The following RANBP3 variants were observed in gnomAD, a reference collection of about 807,000 sequenced individuals.
The protein encoded by RANBP3 is ran-binding protein 3.
A neutral mutation model predicts 77.3 loss-of-function variants in RANBP3; 14 were observed. The ratio of observed to expected loss-of-function variants is 0.18; its 90% CI spans 0.12 to 0.28. The LOEUF (loss-of-function observed/expected upper bound fraction) is 0.28, where lower values mean the gene tolerates loss of function less well. RANBP3 is among the 10% of genes least tolerant of loss of function. RANBP3 has a pLI of 1.00. For synonymous variants in RANBP3, 315 were observed against 312.4 expected (o/e 1.01, Z -0.09); for missense variants, 586 against 752.3 (o/e 0.78, Z 2.59).
rs769648811 is a variant in RANBP3, at chr19:5,959,828, C to T, written c.23-1855G>A. 6.6e-6 allele frequency among the ~76,000 whole-genome samples: 1 copy of T among 152,094 alleles called. No homozygotes were observed. The highest frequency in any genetic ancestry group is 1.5e-5 in the Non-Finnish European group (1 of 68,010). ...TCTGCATTTGCCTCCCTGCCAGCTGCCAGGTGACAAGATGCACAGGAAGGA... is the reference window on the plus strand; with the variant it reads ...TCTGCATTTGCCTCCCTGCCAGCTGTCAGGTGACAAGATGCACAGGAAGGA... On this transcript the variant is annotated intron_variant, in intron 1 of 16. Transcript: ENST00000340578. This position sits in a 1 kb window ranked among gnomAD's most constrained non-coding sequence, Gnocchi z 5.1.
intron 1 of RANBP3, among the ~76,000 whole-genome samples, chr19:5,964,194 A>C (rs1224486275): frequency 6.6e-6 from 1 of 152,144 alleles, no homozygotes; most frequent in Admixed American, 6.5e-5. Context: ...TTGCAGCCCC[A>C]GCGATGAGCA....
chr19:5,944,320 C>T (rs2058176592), intron 3 of RANBP3, among the ~76,000 whole-genome samples: 1 of 152,182 alleles, frequency 6.6e-6, no homozygotes, highest in Admixed American at 6.5e-5. Flanking sequence ...ATGCCAGAGC[C>T]TGGGGTTGCA....
chr19:5,916,282 CG>C lies in RANBP3; in HGVS notation c.*1327del, dbSNP rs1259334568. The C allele has an allele frequency of 6.6e-6, 1 of 152,280 alleles. No homozygotes were observed. Among genetic ancestry groups the C allele is most frequent in the Non-Finnish European group, 1.5e-5 (1 of 68,112 alleles). 9.4% of individuals were successfully genotyped at this position (152,280 alleles called of 1,614,324 possible). On this transcript the variant is annotated 3_prime_UTR_variant, in exon 17 of 17. Transcript: ENST00000340578. Reference sequence around the variant, plus strand: ...AGCAGAGACGTGTGACTGGGTCTCTCGGGAGGGCCTCTGGTTCTTCCCGGGC... The same window carrying C: ...AGCAGAGACGTGTGACTGGGTCTCTCGGAGGGCCTCTGGTTCTTCCCGGGC...
At chr19:5,977,291 T>C (rs563376874) in intron 1 of RANBP3, among the ~76,000 whole-genome samples, 5 of 152,114 alleles carry the variant, frequency 3.3e-5, no homozygotes, top group Admixed American at 2.0e-4. Flanking sequence ...ATCAGCCTTA[T>C]GGTGCCTTCT....
rs1372304405 is a variant in RANBP3 at position 5,924,879 on chromosome 19, T to A, written c.944A>T (p.Asp315Val). 4 of 1,614,176 alleles carry A rather than the reference T, an allele frequency of 2.5e-6. No homozygotes were observed. Among genetic ancestry groups the A allele is most frequent in the Non-Finnish European group, 3.4e-6 (4 of 1,179,992 alleles). Residue 315 changes from aspartate (D) to valine (V), a missense_variant, in exon 11 of 17, where the codon GAC becomes GTC. Around this residue, in one of 5 missense-constraint regions of RANBP3, gnomAD observed 232 missense variants for 271.7 expected, o/e 0.85. Transcript: ENST00000340578. This position sits in a 1 kb window ranked among gnomAD's most constrained non-coding sequence, Gnocchi z 4.7. ...SSLENSTNSA[D>V]ASSNKFVFGQ... ...AAATACAAATTTGTTGCTGGAGGCG[T>A]CGGCACTATTGGTTGAGTTCTCTAA... is the stretch of plus-strand genomic sequence containing the variant.
intron 5 of RANBP3, among the ~76,000 whole-genome samples, chr19:5,938,160 G>A (rs537184436): frequency 9.2e-5 from 14 of 152,288 alleles, no homozygotes; most frequent in South Asian, 4.1e-4. Context: ...CCCTTGACAC[G>A]GACATCACGC....
intron 12 of RANBP3, 85 bp downstream of exon 12, chr19:5,923,727 C>A: frequency 9.0e-7 from 1 of 1,109,628 alleles, no homozygotes; most frequent in Non-Finnish European, 1.3e-6. Flanking sequence ...GCCCCTTATC[C>A]CTCCCGGCTG....
At chr19:5,939,361 T>TGAAG (rs1238090437) in intron 5 of RANBP3, among the ~76,000 whole-genome samples, 2 of 152,076 alleles carry the variant, frequency 1.3e-5, no homozygotes, top group African/African-American at 4.8e-5. Context: ...ATCCCCAGAC[T>TGAAG]ATGAGCTGAA....
intron 8 of RANBP3, chr19:5,928,322 AAAC>A (rs542499266): frequency 1.7e-3 from 616 of 369,592 alleles, no homozygotes; most frequent in Middle Eastern, 9.9e-3. Flanking sequence ...ACCTGTCTCC[AAAC>A]AACAAGAAAC....
chr19:5,931,275 C>T, intron 8 of RANBP3, 129 bp downstream of exon 8: 1 of 1,105,210 alleles, frequency 9.0e-7, no homozygotes. Flanking sequence ...GAGAGCCTTA[C>T]AATAGGCCCA....
rs1243172592 is a variant in RANBP3 at position 5,933,536 on chromosome 19, G to T, written c.407-57C>A. On this transcript the variant is annotated intron_variant, in intron 5 of 16. Transcript: ENST00000340578. ...GCCTGCCTGGGCTGGGGCTGGGCCT[G>T]GGGGGCAAGGGCAGGAGAGGACTAT... The T allele has an allele frequency of 2.7e-6, 4 of 1,466,914 alleles. No homozygotes were observed. The East Asian group carries it at 6.9e-5, about 25-fold the overall frequency. 90.9% of individuals were successfully genotyped at this position (1,466,914 alleles called of 1,614,324 possible). A position where few individuals can be genotyped will look rare whatever the true frequency, so the allele number is the denominator to read the frequency against.
intron 8 of RANBP3, among the ~76,000 whole-genome samples, chr19:5,929,020 C>T (rs1032369792): frequency 5.3e-5 from 8 of 152,030 alleles, no homozygotes; most frequent in East Asian, 1.9e-4. Context: ...ACCGTGAACT[C>T]GGAGGTGAGA....
In RANBP3 at chr19:5,951,493, T is replaced by C. The variant is rs1352045298; in HGVS notation, c.182A>G (p.His61Arg). Residue 61 changes from histidine (H) to arginine (R), a missense_variant, in exon 3 of 17, where the codon CAT becomes CGT. His to Arg is a conservative substitution (Grantham distance 29, BLOSUM62 0). Transcript: ENST00000340578. Reference protein sequence around the residue: ...GTGHPESAGEHALEPPAPAGA... With the variant: ...GTGHPESAGERALEPPAPAGA... ...AGCAGGGGCAGGAGGTTCTAGGGCA[T>C]GCTCGCCAGCTGACTCGGGGTGACC... 3 of 1,611,212 alleles carry C rather than the reference T, an allele frequency of 1.9e-6. No homozygotes were observed. The highest frequency in any genetic ancestry group is 1.7e-4 in the Middle Eastern group (1 of 6,038).
At chr19:5,942,944 C>T (rs903433811) in intron 3 of RANBP3, among the ~76,000 whole-genome samples, 1 of 151,968 alleles carries the variant, frequency 6.6e-6, no homozygotes, top group African/African-American at 2.4e-5. Flanking sequence ...AGGAGGATCA[C>T]CTGAGCCCGG....
At chr19:5,947,646 G>T (rs1245104575) in intron 3 of RANBP3, among the ~76,000 whole-genome samples, 1 of 152,254 alleles carries the variant, frequency 6.6e-6, no homozygotes, top group Non-Finnish European at 1.5e-5. Context: ...AGTGAACAGA[G>T]CAGGCTCAGA....
At chr19:5,925,313 C>T (rs559905366) in intron 10 of RANBP3, 18 of 506,146 alleles carry the variant, frequency 3.6e-5, no homozygotes, top group African/African-American at 2.1e-4. Flanking sequence ...TCGCCTCTGG[C>T]CTGCTCTGTT....
intron 3 of RANBP3, among the ~76,000 whole-genome samples, chr19:5,948,294 C>CA (rs950264529): frequency 1.2e-4 from 18 of 151,366 alleles, no homozygotes; most frequent in Non-Finnish European, 2.2e-4. Context: ...ACCAAAAATA[C>CA]AAAAAAAATT....
rs1262623349 is a variant in RANBP3 at position 5,952,910 on chromosome 19, T to C, written c.79-1314A>G. ...ACCGTGGTTCGTCCAGCCACCCATGTCTGTTGCTACTTGATGGTGAGAGAC... is the reference window on the plus strand; with the variant it reads ...ACCGTGGTTCGTCCAGCCACCCATGCCTGTTGCTACTTGATGGTGAGAGAC... On this transcript the variant is annotated intron_variant, in intron 2 of 16. Coordinates refer to ENST00000340578, the MANE Select transcript of RANBP3 (RefSeq NM_007322.3). This position sits in a 1 kb window ranked among gnomAD's most constrained non-coding sequence, Gnocchi z 4.1. Among the ~76,000 whole-genome samples, 3 of 152,172 alleles carry C rather than the reference T, an allele frequency of 2.0e-5. No homozygotes were observed. The highest frequency in any genetic ancestry group is 7.2e-5 in the African/African-American group (3 of 41,452).
chr19:5,977,110 T>C (rs1037369262), intron 1 of RANBP3, among the ~76,000 whole-genome samples: 2 of 152,162 alleles, frequency 1.3e-5, no homozygotes, highest in African/African-American at 4.8e-5. Flanking sequence ...ATTACTGCAA[T>C]TCGGTAGGGA....
Sources: gnomAD v4.1 joint callset for allele counts (sites outside exome capture counted in the v4.1 genomes callset) on GRCh38, gnomAD v4.1.1 for gene constraint, gnomAD v4.1.1 regional missense constraint, Gnocchi (gnomAD v3.1) non-coding constraint, MANE v1.5 for transcripts, NCBI Gene and HGNC (gene_info 2026-07-23, HGNC 2026-07-21) for gene names.